The following AHCYL1 variants were observed in gnomAD, a reference collection of about 807,000 sequenced individuals.
AHCYL1 encodes adenosylhomocysteinase like 1, also known as S-adenosylhomocysteine hydrolase-like protein 1.
Under a neutral mutation model 79.3 loss-of-function variants are expected in AHCYL1, and 20 were observed. The ratio of observed to expected loss-of-function variants is 0.25; its 90% CI spans 0.18 to 0.37. AHCYL1 has a LOEUF of 0.37. AHCYL1 is among the 10% of genes least tolerant of loss of function. The pLI is 1.00. For missense variants in AHCYL1, 330 were observed against 673.6 expected, an observed-to-expected ratio of 0.49 and a Z score of 5.65; for synonymous variants, 223 against 242.2, an observed-to-expected ratio of 0.92 and a Z score of 0.74.
chr1:109,998,106 T>C (rs1376412979), intron 1 of AHCYL1, among the ~76,000 whole-genome samples: 1 of 152,244 alleles, frequency 6.6e-6, no homozygotes, highest in African/African-American at 2.4e-5. Context: ...TGCTCAGTGA[T>C]GCATTAAAGC....
chr1:109,991,291 G>A (rs2101693367), intron 1 of AHCYL1, among the ~76,000 whole-genome samples: 2 of 152,290 alleles, frequency 1.3e-5, no homozygotes, highest in Middle Eastern at 6.8e-3. Flanking sequence ...GGTAGAGATT[G>A]GAAAAGTACT....
intron 1 of AHCYL1, among the ~76,000 whole-genome samples, chr1:109,997,099 A>G (rs1650072541): frequency 6.6e-6 from 1 of 152,252 alleles, no homozygotes; most frequent in Admixed American, 6.5e-5. Flanking sequence ...TCTATGTTTT[A>G]TGTGAAATGC....
chr1:109,989,301 A>G (rs1235150136), intron 1 of AHCYL1, among the ~76,000 whole-genome samples: 1 of 152,214 alleles, frequency 6.6e-6, no homozygotes, highest in East Asian at 1.9e-4. Context: ...TGCCAAGGTT[A>G]CAAATGTATA....
rs1651874941 is a variant in AHCYL1 at position 110,022,606 on chromosome 1, T to C, written c.*926T>C. 1 of 152,638 alleles carries C rather than the reference T, an allele frequency of 6.6e-6. No individual in the cohort carries two copies. 9.5% of individuals were successfully genotyped at this position (152,638 alleles called of 1,614,324 possible). Reference sequence around the variant, plus strand: ...AGCAAATTCTATCAGCTGTGTACCATACAGCTTGTGCTGAAGGCGAATTTC... The same window carrying C: ...AGCAAATTCTATCAGCTGTGTACCACACAGCTTGTGCTGAAGGCGAATTTC... On this transcript the variant is annotated 3_prime_UTR_variant, in exon 17 of 17. Coordinates refer to ENST00000369799, the MANE Select transcript of AHCYL1 (RefSeq NM_006621.7).
At chr1:109,996,908 C>T (rs1650065245) in intron 1 of AHCYL1, among the ~76,000 whole-genome samples, 1 of 152,154 alleles carries the variant, frequency 6.6e-6, no homozygotes, top group Admixed American at 6.6e-5. Context: ...GAAGACTTGT[C>T]TAGATTTGAG....
At chr1:110,015,340 T>C in intron 6 of AHCYL1, 85 bp from the exon 7 acceptor site, 1 of 1,042,168 alleles carries the variant, frequency 9.6e-7, no homozygotes, top group Non-Finnish European at 1.5e-6. Flanking sequence ...TACAGGGCTC[T>C]CTTACTAGTA....
At chr1:110,001,534 C>G (rs932236052) in intron 1 of AHCYL1, among the ~76,000 whole-genome samples, 1 of 152,098 alleles carries the variant, frequency 6.6e-6, no homozygotes, top group Non-Finnish European at 1.5e-5. Flanking sequence ...TTCTTATACC[C>G]TATGAACCAA....
chr1:110,012,548 C>T (rs989022780), intron 4 of AHCYL1, 86 bp downstream of exon 4: 4 of 1,077,126 alleles, frequency 3.7e-6, no homozygotes, highest in South Asian at 2.0e-5. Flanking sequence ...TTTCCTAACT[C>T]GCCAACCTCC....
chr1:109,996,854 T>G (rs1429670457), intron 1 of AHCYL1, among the ~76,000 whole-genome samples: 2 of 152,194 alleles, frequency 1.3e-5, no homozygotes, highest in Non-Finnish European at 2.9e-5. Context: ...TAAGGGGGAA[T>G]TGGCAGCCTG....
intron 6 of AHCYL1, 59 bp from the exon 7 acceptor site, chr1:110,015,366 A>G: frequency 2.8e-6 from 4 of 1,418,702 alleles, no homozygotes; most frequent in Non-Finnish European, 2.0e-6. Context: ...AGTGGGTTCA[A>G]AGTTCCCCCC....
intron 1 of AHCYL1, among the ~76,000 whole-genome samples, chr1:109,993,764 C>A (rs754431023): frequency 3.9e-5 from 6 of 152,166 alleles, no homozygotes; most frequent in Non-Finnish European, 7.4e-5. Flanking sequence ...GGGAAGGTAA[C>A]TTGAATTTCT....
intron 8 of AHCYL1, 78 bp from the exon 9 acceptor site, chr1:110,016,589 C>A (rs374677505): frequency 3.8e-6 from 6 of 1,595,710 alleles, no homozygotes; most frequent in African/African-American, 1.3e-5. Flanking sequence ...TGGGCATTGG[C>A]CCACACTTTT....
intron 16 of AHCYL1, among the ~76,000 whole-genome samples, chr1:110,021,097 CG>C (rs1369221831): frequency 6.6e-6 from 1 of 152,122 alleles, no homozygotes; most frequent in Non-Finnish European, 1.5e-5. Context: ...ATCTCTTAGC[CG>C]GGTGTGGTGG....
chr1:110,015,723 C>T (rs1268212020), intron 7 of AHCYL1, among the ~76,000 whole-genome samples, 192 bp downstream of exon 7: 1 of 152,186 alleles, frequency 6.6e-6, no homozygotes, highest in Non-Finnish European at 1.5e-5. Context: ...CTAGTTCATA[C>T]ATTTTTCTCT....
At chr1:110,018,938 C>T (rs1000114489) in intron 13 of AHCYL1, 113 bp from the exon 14 acceptor site, 3 of 985,372 alleles carry the variant, frequency 3.0e-6, no homozygotes, top group African/African-American at 1.6e-5. Context: ...TGTAATTCTT[C>T]CTCTTCCAAC....
rs542498140 is a variant in AHCYL1 at position 109,992,731 on chromosome 1, G to T, written c.120+7559G>T. Among the ~76,000 whole-genome samples, 33 of 152,300 alleles carry T rather than the reference G, an allele frequency of 2.2e-4. No individual in the cohort carries two copies. In the South Asian group the frequency reaches 6.6e-3, roughly 31 times the overall value. On this transcript the variant is annotated intron_variant, in intron 1 of 16. Coordinates refer to ENST00000369799, the MANE Select transcript of AHCYL1 (RefSeq NM_006621.7). ...ACTGGATTAGAGACTGTAGAACAAT[G>T]GTTCTTACTCTTTGAGTCAGAGGTC...
intron 1 of AHCYL1, among the ~76,000 whole-genome samples, chr1:110,003,600 A>T (rs1030748399): frequency 6.7e-6 from 1 of 148,620 alleles, no homozygotes; most frequent in Non-Finnish European, 1.5e-5. Context: ...ACCTGTACTG[A>T]TTTTTTTTTT....
chr1:110,008,712 C>T (rs1449420537), intron 1 of AHCYL1, among the ~76,000 whole-genome samples: 1 of 152,074 alleles, frequency 6.6e-6, no homozygotes, highest in Non-Finnish European at 1.5e-5. Flanking sequence ...TTTAATCTGT[C>T]AGGGTTATAA....
At chr1:109,997,333 G>A (rs56074049) in intron 1 of AHCYL1, among the ~76,000 whole-genome samples, 1 of 152,288 alleles carries the variant, frequency 6.6e-6, no homozygotes, top group Non-Finnish European at 1.5e-5. Flanking sequence ...GAGTTGAAGG[G>A]CTGTTGAAAT....
Sources: allele counts gnomAD v4.1 joint callset (sites outside exome capture counted in the v4.1 genomes callset), GRCh38; gene constraint gnomAD v4.1.1; transcripts MANE v1.5; gene names NCBI Gene and HGNC (gene_info 2026-07-23, HGNC 2026-07-21).